Variants in FAM228B observed in about 807,000 individuals in gnomAD.
The protein encoded by FAM228B is family with sequence similarity 228 member B.
In FAM228B, 38 loss-of-function variants were observed where a neutral mutation model predicts 42.6. That is an observed-to-expected ratio of 0.89 (90% CI 0.69 to 1.17). The LOEUF (loss-of-function observed/expected upper bound fraction) is 1.17. FAM228B is among the 50% of genes most tolerant of loss of function. The pLI, the probability that FAM228B is intolerant of heterozygous loss-of-function variation, is 0.00. For missense variants in FAM228B, 344 were observed against 367.3 expected, an observed-to-expected ratio of 0.94 and a Z score of 0.52; for synonymous variants, 109 against 122.3, an observed-to-expected ratio of 0.89 and a Z score of 0.72.
intron 2 of FAM228B, among the ~76,000 whole-genome samples, chr2:24,133,475 C>T (rs1238025604): frequency 6.6e-6 from 1 of 152,144 alleles, no homozygotes; most frequent in Non-Finnish European, 1.5e-5. Context: ...TGAGATTTTA[C>T]TCATCTGTCC....
chr2:24,082,893 T>A, intron 2 of FAM228B: 1 of 1,606,142 alleles, frequency 6.2e-7, no homozygotes, highest in Non-Finnish European at 8.5e-7. Flanking sequence ...ACCCACAAGA[T>A]GTAACAGCTG....
Position 24,084,568 on chromosome 2 carries a change from C to A in FAM228B, c.-210+3613C>A. On this transcript the variant is annotated intron_variant, in intron 2 of 10. Transcript: ENST00000613899. The surrounding 1 kb of genome is among the most constrained non-coding windows in gnomAD (Gnocchi z 8.4). ...AGTCCTCGGCCGCCTCCAGACCGATCCCACCCGGAACACAGATGGGAACGG... is the reference window on the plus strand; with the variant it reads ...AGTCCTCGGCCGCCTCCAGACCGATACCACCCGGAACACAGATGGGAACGG... 2.1e-6 allele frequency: 1 copy of A among 470,408 alleles called. No homozygotes were observed. Among genetic ancestry groups the A allele is most frequent in the African/African-American group, 2.0e-5 (1 of 48,830 alleles). 29.1% of individuals were successfully genotyped at this position (470,408 alleles called of 1,614,324 possible).
At chr2:24,119,566 G>A (rs766556973), upstream of FAM228B, 5 of 1,605,850 alleles carry the variant, frequency 3.1e-6, no homozygotes, top group Non-Finnish European at 4.3e-6. Context: ...GGAACTAGGA[G>A]GCCAACTTAC....
At chr2:24,163,716 A>G (rs1460607203) in intron 8 of FAM228B, among the ~76,000 whole-genome samples, 6 of 152,216 alleles carry the variant, frequency 3.9e-5, no homozygotes, top group Non-Finnish European at 5.9e-5. Context: ...ATCTTCTAGC[A>G]AAGCGAGACC....
At position 24,103,513 on chromosome 2, in the gene FAM228B, G is replaced by A. The variant is rs145123298; in HGVS notation, c.-121+8284G>A. ...GCTACCACCAAAGGGTCACTTGTGT[G>A]GGTCTCTCTGCGTAGCTGGACCCAG... is the stretch of plus-strand genomic sequence containing the variant. On this transcript the variant is annotated intron_variant, in intron 3 of 10. Transcript: ENST00000613899. Among the ~76,000 whole-genome samples, 474 of 152,246 alleles carry A rather than the reference G, an allele frequency of 3.1e-3. 3 individuals carry two copies. Among genetic ancestry groups the A allele is most frequent in the African/African-American group, 0.011 (452 of 41,532 alleles).
At chr2:24,160,690 A>G (rs560085409) in intron 7 of FAM228B, among the ~76,000 whole-genome samples, 27 of 152,028 alleles carry the variant, frequency 1.8e-4, no homozygotes, top group African/African-American at 6.3e-4. Flanking sequence ...CATTTCATAC[A>G]TTGCTGTACT....
At chr2:24,143,906 G>A (rs1417420599) in intron 5 of FAM228B, among the ~76,000 whole-genome samples, 2 of 151,832 alleles carry the variant, frequency 1.3e-5, no homozygotes, top group East Asian at 1.9e-4. Context: ...CCAGCTACTC[G>A]GGAGGCTGAG....
chr2:24,083,107 C>T, intron 2 of FAM228B: 1 of 1,613,850 alleles, frequency 6.2e-7, no homozygotes, highest in Non-Finnish European at 8.5e-7. Flanking sequence ...GCCTCAAGTC[C>T]CAAAATGTTG....
chr2:24,087,791 T>G (rs921016762), intron 2 of FAM228B, among the ~76,000 whole-genome samples: 6 of 150,282 alleles, frequency 4.0e-5, no homozygotes, highest in Admixed American at 6.6e-5. Flanking sequence ...TTTTTTTTTT[T>G]TTTTTTTTGA....
chr2:24,125,951 C>T (rs1666300487), intron 2 of FAM228B, among the ~76,000 whole-genome samples: 2 of 152,306 alleles, frequency 1.3e-5, no homozygotes, highest in South Asian at 2.1e-4. Context: ...TTCTGTTTGT[C>T]TTCTTTCACT....
Position 24,110,772 on chromosome 2 carries a change from C to A in FAM228B, c.-121+15543C>A, listed in dbSNP as rs183426760. 9.9e-4 allele frequency among the ~76,000 whole-genome samples: 150 copies of A among 152,270 alleles called. 1 individual carries two copies. The East Asian group carries it at 0.016, about 16-fold the overall frequency. ...TATCATGAGTCATGGGACTCCCCCC[C>A]CAAATCTGTAGCCAGGTCAGACAGA... is the stretch of plus-strand genomic sequence containing the variant. On this transcript the variant is annotated intron_variant, in intron 3 of 10. Coordinates refer to the FAM228B transcript ENST00000613899.
chr2:24,158,407 G>C (rs1002149614), intron 7 of FAM228B, among the ~76,000 whole-genome samples: 9 of 151,954 alleles, frequency 5.9e-5, no homozygotes, highest in African/African-American at 1.9e-4. Context: ...TGGATGACCA[G>C]TCACTGATTA....
In FAM228B at chr2:24,084,637, G is replaced by A. The variant is rs1665180158; in HGVS notation, c.-210+3682G>A. 2 of 299,186 alleles carry A rather than the reference G, an allele frequency of 6.7e-6. No homozygotes were observed. The highest frequency in any genetic ancestry group is 1.2e-4 in the East Asian group (2 of 16,680). 18.5% of individuals were successfully genotyped at this position (299,186 alleles called of 1,614,324 possible). On this transcript the variant is annotated intron_variant, in intron 2 of 10. Coordinates refer to the FAM228B transcript ENST00000613899. The surrounding 1 kb of genome is among the most constrained non-coding windows in gnomAD (Gnocchi z 8.4). Reference sequence around the variant, plus strand: ...TACAGGGCTGGATGCGGCAGAGCAGGACAACGCCGAAGAGGATCAGGCAAA... The same window carrying A: ...TACAGGGCTGGATGCGGCAGAGCAGAACAACGCCGAAGAGGATCAGGCAAA...
chr2:24,124,994 G>A (rs572907071), intron 2 of FAM228B, among the ~76,000 whole-genome samples: 5 of 152,268 alleles, frequency 3.3e-5, no homozygotes, highest in South Asian at 2.1e-4. Flanking sequence ...GAGCCCTTGC[G>A]CCCAGCCAGT....
intron 3 of FAM228B, among the ~76,000 whole-genome samples, chr2:24,116,663 T>C (rs1665928390): frequency 6.6e-6 from 1 of 152,096 alleles, no homozygotes; most frequent in Admixed American, 6.5e-5. Flanking sequence ...GAGACCAGCC[T>C]GGCTAACATG....
intron 3 of FAM228B, among the ~76,000 whole-genome samples, chr2:24,105,059 A>G (rs1486042631): frequency 1.3e-5 from 2 of 152,250 alleles, no homozygotes; most frequent in Admixed American, 1.3e-4. Context: ...GGAAACACCC[A>G]GACAGCAGGG....
At chr2:24,143,931 T>A (rs901581668) in intron 5 of FAM228B, among the ~76,000 whole-genome samples, 1 of 150,770 alleles carries the variant, frequency 6.6e-6, no homozygotes, top group Non-Finnish European at 1.5e-5. Context: ...AAGAATTGCT[T>A]GAACCCAGGA....
chr2:24,101,685 T>A (rs1027740007), intron 3 of FAM228B, among the ~76,000 whole-genome samples: 2 of 152,052 alleles, frequency 1.3e-5, no homozygotes, highest in Non-Finnish European at 2.9e-5. Flanking sequence ...TTATTTTATT[T>A]TTTTATTATT....
chr2:24,119,591 G>A (rs942308357), upstream of FAM228B: 1 of 1,613,370 alleles, frequency 6.2e-7, no homozygotes, highest in Non-Finnish European at 8.5e-7. Context: ...GCTCTCTGTG[G>A]CTTCCACACA....
Sources: allele counts gnomAD v4.1 joint callset (sites outside exome capture counted in the v4.1 genomes callset), GRCh38; gene constraint gnomAD v4.1.1; non-coding constraint Gnocchi (gnomAD v3.1); transcripts MANE v1.5; gene names NCBI Gene and HGNC (gene_info 2026-07-23, HGNC 2026-07-21).